The following DAB1 variants were observed in gnomAD, a reference collection of about 807,000 sequenced individuals.
DAB1 encodes DAB adaptor protein 1.
Under a neutral mutation model 64.6 loss-of-function variants are expected in DAB1, and 15 were observed. The observed-to-expected ratio is 0.23, with a 90% confidence interval of 0.16 to 0.36. DAB1 has a LOEUF of 0.36. Among genes scored for constraint, DAB1 ranks in the 10% least tolerant of loss-of-function variants. DAB1 has a pLI of 1.00. For missense variants in DAB1, 596 were observed against 706.7 expected (o/e 0.84, Z 1.78); for synonymous variants, 235 against 251.9 (o/e 0.93, Z 0.64).
At chr1:58,209,073 G>A (rs989481313) in intron 4 of DAB1, among the ~76,000 whole-genome samples, 1 of 152,128 alleles carries the variant, frequency 6.6e-6, no homozygotes, top group East Asian at 1.9e-4. Context: ...AGTGAGGTGA[G>A]ACACTCCAAG....
At chr1:57,876,063 A>C (rs1644040634) in intron 1 of DAB1, 4 of 152,160 alleles carry the variant, frequency 2.6e-5, no homozygotes, top group Admixed American at 2.6e-4. Flanking sequence ...CGAATTTGGG[A>C]AAGTCTCTAA....
At chr1:58,249,737 G>A (rs2100401578) in intron 4 of DAB1, among the ~76,000 whole-genome samples, 1 of 152,162 alleles carries the variant, frequency 6.6e-6, no homozygotes, top group African/African-American at 2.4e-5. Flanking sequence ...AAATGGCTGC[G>A]CGTCAACTCG....
chr1:57,923,480 T>C (rs563369268), intron 5 of DAB1, among the ~76,000 whole-genome samples: 2 of 152,290 alleles, frequency 1.3e-5, no homozygotes, highest in East Asian at 3.9e-4. Flanking sequence ...AGGGTTGTAG[T>C]CCTGTATCTA....
intron 4 of DAB1, among the ~76,000 whole-genome samples, chr1:57,090,539 C>T (rs1653557417): frequency 6.6e-6 from 1 of 152,158 alleles, no homozygotes; most frequent in African/African-American, 2.4e-5. Flanking sequence ...ATTCTCATTA[C>T]AAGCCAGTGA....
At chr1:58,259,409 G>C (rs1422069800) in intron 4 of DAB1, among the ~76,000 whole-genome samples, 2 of 152,200 alleles carry the variant, frequency 1.3e-5, no homozygotes, top group Non-Finnish European at 2.9e-5. Context: ...GCTCAGTTCA[G>C]AGACTACTTT....
intron 3 of DAB1, among the ~76,000 whole-genome samples, chr1:58,412,679 G>C (rs967975879): frequency 1.3e-5 from 2 of 152,162 alleles, no homozygotes; most frequent in Non-Finnish European, 2.9e-5. Context: ...TCCATGGTGA[G>C]TATTACAATG....
chr1:57,667,491 C>T (rs1646461969), intron 6 of DAB1, among the ~76,000 whole-genome samples: 1 of 152,188 alleles, frequency 6.6e-6, no homozygotes, highest in Admixed American at 6.5e-5. Context: ...ATGAAACCTT[C>T]AGCAGAGCAG....
At chr1:57,833,486 G>T (rs184349061) in intron 1 of DAB1, among the ~76,000 whole-genome samples, 62 of 152,288 alleles carry the variant, frequency 4.1e-4, no homozygotes, top group African/African-American at 1.4e-3. Context: ...CACTGTCCTT[G>T]GTTCCAGTCA....
At chr1:58,519,993 G>A (rs1465859367) in intron 2 of DAB1, among the ~76,000 whole-genome samples, 1 of 152,188 alleles carries the variant, frequency 6.6e-6, no homozygotes, top group East Asian at 1.9e-4. Flanking sequence ...ACAGTCAGAG[G>A]TTAAGTGATT....
chr1:57,293,188 C>T (rs1185345188), intron 1 of DAB1, among the ~76,000 whole-genome samples: 1 of 152,034 alleles, frequency 6.6e-6, no homozygotes, highest in African/African-American at 2.4e-5. Context: ...CCTTGTGCTG[C>T]TATCTTTCTA....
intron 4 of DAB1, among the ~76,000 whole-genome samples, chr1:58,239,013 T>C (rs1660174812): frequency 6.6e-6 from 1 of 152,178 alleles, no homozygotes; most frequent in Non-Finnish European, 1.5e-5. Context: ...CAGTGTTGTG[T>C]CCACTCCAGC....
intron 7 of DAB1, among the ~76,000 whole-genome samples, chr1:57,487,315 T>A (rs1195358894): frequency 6.6e-6 from 1 of 152,176 alleles, no homozygotes; most frequent in Non-Finnish European, 1.5e-5. Context: ...ATCTTTGACC[T>A]CTTCCTCCAC....
At chr1:58,378,961 C>G (rs1410981274) in intron 3 of DAB1, among the ~76,000 whole-genome samples, 1 of 134,508 alleles carries the variant, frequency 7.4e-6, no homozygotes, top group Non-Finnish European at 1.6e-5. Context: ...GTCCGTCACC[C>G]CTTTCTTTGA....
chr1:58,514,568 A>G (rs965586024), intron 2 of DAB1, among the ~76,000 whole-genome samples: 1 of 152,162 alleles, frequency 6.6e-6, no homozygotes, highest in Non-Finnish European at 1.5e-5. Context: ...TTAGGAAACC[A>G]TTAACACCCT....
chr1:58,297,350 C>G (rs1026936138), intron 4 of DAB1, among the ~76,000 whole-genome samples: 2 of 152,138 alleles, frequency 1.3e-5, no homozygotes, highest in East Asian at 1.9e-4. Context: ...ACATAAGGCC[C>G]TATAGGTGTA....
intron 2 of DAB1, 121 bp from the exon 3 acceptor site, chr1:57,145,550 G>T: frequency 1.0e-6 from 1 of 991,658 alleles, no homozygotes; most frequent in Non-Finnish European, 1.5e-6. Context: ...CAAATCACTG[G>T]ACTCAGGAGA....
intron 1 of DAB1, among the ~76,000 whole-genome samples, chr1:57,371,321 T>G (rs7541309): frequency 0.12 from 17,680 of 152,218 alleles, 1,148 homozygotes; most frequent in Admixed American, 0.15. Flanking sequence ...TCTGATGGCA[T>G]ATGGCCATGG....
chr1:57,750,718 A>G (rs1433827850), intron 6 of DAB1, among the ~76,000 whole-genome samples: 1 of 152,118 alleles, frequency 6.6e-6, no homozygotes, highest in Non-Finnish European at 1.5e-5. Flanking sequence ...AGATGTCTTA[A>G]AGCCAGATGT....
chr1:57,389,418 A>T (rs1025263264), intron 1 of DAB1, among the ~76,000 whole-genome samples: 5 of 152,060 alleles, frequency 3.3e-5, no homozygotes, highest in Non-Finnish European at 5.9e-5. Context: ...ACTCAGCACA[A>T]TCCAAGATCC....
Sources: allele counts gnomAD v4.1 joint callset (sites outside exome capture counted in the v4.1 genomes callset), GRCh38; gene constraint gnomAD v4.1.1; transcripts MANE v1.5; gene names NCBI Gene and HGNC (gene_info 2026-07-23, HGNC 2026-07-21).